The following HSP90AA1 variants were observed in gnomAD, a reference collection of about 807,000 sequenced individuals.
The protein encoded by HSP90AA1 is heat shock protein HSP 90-alpha.
A neutral mutation model predicts 73.3 loss-of-function variants in HSP90AA1; 18 were observed. The observed-to-expected ratio is 0.25, with a 90% CI of 0.17 to 0.36. The LOEUF (loss-of-function observed/expected upper bound fraction) is 0.36, where lower values mean the gene tolerates loss of function less well. Ranked by LOEUF, HSP90AA1 falls within the 10% of genes least tolerant of loss-of-function variation. HSP90AA1 has a pLI of 1.00. For missense variants in HSP90AA1, 704 were observed against 874.2 expected, an observed-to-expected ratio of 0.81 and a Z score of 2.45; for synonymous variants, 477 against 296.9, an observed-to-expected ratio of 1.61 and a Z score of -6.24.
At chr14:102,125,942 G>A (rs1479893785) in intron 1 of HSP90AA1, among the ~76,000 whole-genome samples, 2 of 152,164 alleles carry the variant, frequency 1.3e-5, no homozygotes, top group Non-Finnish European at 2.9e-5. Context: ...GTCTACTGAG[G>A]GAGGTGGCTT....
chr14:102,087,934 T>TG (rs2049286932), upstream of HSP90AA1, among the ~76,000 whole-genome samples: 2 of 72,024 alleles, frequency 2.8e-5, no homozygotes, highest in South Asian at 8.2e-4. Flanking sequence ...CTAAAAGGTT[T>TG]TTTTTTTTTT....
At chr14:102,085,253 T>G (rs1290602173) in intron 4 of HSP90AA1, 45 bp downstream of exon 4, 1 of 1,590,074 alleles carries the variant, frequency 6.3e-7, no homozygotes, top group African/African-American at 1.3e-5. Context: ...GTCACCCCAA[T>G]CACCTACAGA....
At chr14:102,136,430 C>A (rs1190589) in intron 1 of HSP90AA1, among the ~76,000 whole-genome samples, 13 of 151,696 alleles carry the variant, frequency 8.6e-5, no homozygotes, top group African/African-American at 2.4e-4. Context: ...TTGGCCAGGC[C>A]TGGTGGCACA....
upstream of HSP90AA1, among the ~76,000 whole-genome samples, chr14:102,090,971 C>G (rs1348221404): frequency 2.0e-5 from 3 of 152,194 alleles, no homozygotes; most frequent in Non-Finnish European, 4.4e-5. Flanking sequence ...TGACCCAGGG[C>G]AAGTCACTTA....
At chr14:102,128,261 G>T (rs1308197532) in intron 1 of HSP90AA1, among the ~76,000 whole-genome samples, 1 of 152,158 alleles carries the variant, frequency 6.6e-6, no homozygotes, top group Non-Finnish European at 1.5e-5. Context: ...GGAGGCCGAG[G>T]TGGGTGGATC....
intron 6 of HSP90AA1, 93 bp from the exon 7 acceptor site, chr14:102,084,076 T>C: frequency 3.0e-6 from 3 of 999,900 alleles, no homozygotes; most frequent in Non-Finnish European, 1.6e-6. Flanking sequence ...CTGAAGATGA[T>C]GGGACGTATT....
chr14:102,085,208 A>C (rs2049196586), intron 4 of HSP90AA1, 90 bp downstream of exon 4: 1 of 1,457,210 alleles, frequency 6.9e-7, no homozygotes, highest in South Asian at 1.1e-5. Context: ...GCTTCAGACT[A>C]GTTGAACAGA....
upstream of HSP90AA1, chr14:102,087,127 C>G: frequency 1.0e-6 from 1 of 984,576 alleles, no homozygotes; most frequent in Non-Finnish European, 1.2e-6. Context: ...CCCGAACCTT[C>G]CGGAAGAACC....
chr14:102,083,335 TA>T (rs35806142), intron 8 of HSP90AA1, 33 bp from the exon 9 acceptor site: 2 of 1,611,616 alleles, frequency 1.2e-6, no homozygotes, highest in Non-Finnish European at 1.7e-6. Context: ...TTAGACCTTT[TA>T]ACAGTTAAGA....
intron 1 of HSP90AA1, among the ~76,000 whole-genome samples, chr14:102,121,124 C>A (rs2049773793): frequency 6.6e-6 from 1 of 151,962 alleles, no homozygotes; most frequent in Non-Finnish European, 1.5e-5. Flanking sequence ...CTTCAACCCC[C>A]TGGGCTTAAA....
chr14:102,139,274 G>A lies in HSP90AA1; in HGVS notation c.131C>T (p.Ala44Val), dbSNP rs1335101537. The change falls in exon 1 of 12, where the codon GCC (alanine) becomes GTC (valine). Residue 44 changes from alanine (A) to valine (V), a missense_variant. Transcript: ENST00000334701. Reference sequence around the variant, plus strand: ...CCTTCTCAGAAACGGCGGCGAGGAGGCTTCAGAGGGGCTTCCTGGGCGGGG... The same window carrying A: ...CCTTCTCAGAAACGGCGGCGAGGAGACTTCAGAGGGGCTTCCTGGGCGGGG... The A allele has an allele frequency of 5.6e-6, 9 of 1,614,002 alleles. No individual in the cohort carries two copies. The African/African-American group carries it at 1.2e-4, about 22-fold the overall frequency.
At chr14:102,100,061 G>A (rs2049473801) in intron 2 of HSP90AA1, among the ~76,000 whole-genome samples, 2 of 151,986 alleles carry the variant, frequency 1.3e-5, no homozygotes, top group South Asian at 2.1e-4. Flanking sequence ...GGTGGCATGC[G>A]CCTGTGGTCT....
In HSP90AA1 at chr14:102,082,944, A is replaced by G. The variant is rs184575152; in HGVS notation, c.1755+90T>C. ...ACACACAACATAGTTTTCTGTTTTAAGTTGAAAACATGCGAAAATGGGCTA... is the reference window on the plus strand; with the variant it reads ...ACACACAACATAGTTTTCTGTTTTAGGTTGAAAACATGCGAAAATGGGCTA... On this transcript the variant is annotated intron_variant, in intron 9 of 10. Transcript: ENST00000216281. The G allele has an allele frequency of 3.8e-5, 51 of 1,345,682 alleles. No homozygotes were observed. The African/African-American group carries it at 6.9e-4, about 18-fold the overall frequency. The allele number at this position is 1,345,682 out of a possible 1,614,324, so 83.4% of individuals were successfully genotyped here. A position where few individuals can be genotyped will look rare whatever the true frequency, so the allele number is the denominator to read the frequency against.
chr14:102,137,089 C>T (rs1245628470), intron 1 of HSP90AA1, among the ~76,000 whole-genome samples: 1 of 151,768 alleles, frequency 6.6e-6, no homozygotes, highest in Admixed American at 6.6e-5. Flanking sequence ...TGGCATGCGC[C>T]TGTAATCCCA....
intron 3 of HSP90AA1, 114 bp downstream of exon 3, chr14:102,085,644 T>TG (rs2049211897): frequency 4.0e-6 from 6 of 1,516,038 alleles, no homozygotes; most frequent in Non-Finnish European, 5.5e-6. Context: ...AGCTTGTTCC[T>TG]GATCGTTGGG....
chr14:102,139,531 C>T, exon 1 of HSP90AA1: 1 of 997,000 alleles, frequency 1.0e-6, no homozygotes, highest in Non-Finnish European at 1.4e-6. Context: ...GAGGAGGCAC[C>T]CTCAAGTTCA....
chr14:102,110,297 G>T (rs892733898), intron 1 of HSP90AA1, among the ~76,000 whole-genome samples: 1 of 152,156 alleles, frequency 6.6e-6, no homozygotes, highest in Admixed American at 6.6e-5. Flanking sequence ...CTAAAGATTT[G>T]TGGAAATTTG....
intron 1 of HSP90AA1, among the ~76,000 whole-genome samples, chr14:102,127,141 A>G (rs1049668207): frequency 1.3e-5 from 2 of 152,008 alleles, no homozygotes; most frequent in Admixed American, 1.3e-4. Flanking sequence ...ATAGCATACT[A>G]GCTCTTTAAA....
chr14:102,117,564 C>G (rs1204100900), intron 1 of HSP90AA1, among the ~76,000 whole-genome samples: 1 of 152,060 alleles, frequency 6.6e-6, no homozygotes, highest in African/African-American at 2.4e-5. Context: ...CTGAACACCC[C>G]CCAGCTGCAG....
Sources: allele counts gnomAD v4.1 joint callset (sites outside exome capture counted in the v4.1 genomes callset), GRCh38; gene constraint gnomAD v4.1.1; transcripts MANE v1.5; gene names NCBI Gene and HGNC (gene_info 2026-07-23, HGNC 2026-07-21).